Variants in DTNA observed in about 807,000 individuals in gnomAD.
DTNA encodes dystrophin-related protein 3.
DTNA carries 43 observed loss-of-function variants against 100.7 expected under a neutral mutation model. The ratio of observed to expected loss-of-function variants is 0.43; its 90% confidence interval spans 0.33 to 0.55. The LOEUF is 0.55. Among genes scored for constraint, DTNA ranks in the 20% least tolerant of loss-of-function variants. The pLI is 0.04. For synonymous variants in DTNA, 349 were observed against 347.9 expected, an observed-to-expected ratio of 1.00 and a Z score of -0.04; for missense variants, 798 against 953.9, an observed-to-expected ratio of 0.84 and a Z score of 2.15.
chr18:34,882,650 G>A (rs1203718248), intron 21 of DTNA, among the ~76,000 whole-genome samples: 2 of 152,068 alleles, frequency 1.3e-5, no homozygotes, highest in Non-Finnish European at 2.9e-5. Flanking sequence ...TTACAGGCGT[G>A]AGCCACTGCA....
At chr18:34,754,856 T>G (rs1048504317) in intron 1 of DTNA, among the ~76,000 whole-genome samples, 1 of 152,090 alleles carries the variant, frequency 6.6e-6, no homozygotes, top group Non-Finnish European at 1.5e-5. Context: ...CAGGCAGTTG[T>G]AGAAAGTTGG....
intron 4 of DTNA, among the ~76,000 whole-genome samples, chr18:34,799,294 A>G (rs937238593): frequency 1.3e-5 from 2 of 152,180 alleles, no homozygotes; most frequent in Admixed American, 6.6e-5. Context: ...GAGCCTTCCA[A>G]TGCTACAAAA....
chr18:34,525,509 T>G (rs2042533241), intron 1 of DTNA, among the ~76,000 whole-genome samples: 3 of 152,134 alleles, frequency 2.0e-5, no homozygotes, highest in Admixed American at 2.0e-4. Context: ...GATCTCTCCC[T>G]GCTGGAGGAA....
chr18:34,765,057 C>T (rs561139502), intron 2 of DTNA, among the ~76,000 whole-genome samples: 4 of 152,186 alleles, frequency 2.6e-5, no homozygotes, highest in South Asian at 2.1e-4. Flanking sequence ...ACCAAGGCTA[C>T]GAGAGATTCT....
intron 1 of DTNA, among the ~76,000 whole-genome samples, chr18:34,676,222 G>A (rs1370199301): frequency 1.3e-5 from 2 of 152,040 alleles, no homozygotes; most frequent in Non-Finnish European, 2.9e-5. Context: ...CTTTTTAGGT[G>A]GCCCATTCTG....
intron 13 of DTNA, among the ~76,000 whole-genome samples, chr18:34,843,435 C>T (rs2096310493): frequency 6.6e-6 from 1 of 152,102 alleles, no homozygotes; most frequent in African/African-American, 2.4e-5. Flanking sequence ...ATGCCATAGA[C>T]TTGATGGCTT....
At chr18:34,636,202 G>A (rs773266314) in intron 1 of DTNA, among the ~76,000 whole-genome samples, 6 of 152,176 alleles carry the variant, frequency 3.9e-5, no homozygotes, top group Non-Finnish European at 8.8e-5. Context: ...CTGGAGTGCA[G>A]CGGCATGATC....
chr18:34,493,995 C>G (rs1366536802), intron 1 of DTNA: 4 of 149,338 alleles, frequency 2.7e-5, no homozygotes, highest in African/African-American at 9.7e-5. Context: ...TGCAGGATGT[C>G]CGGCCCGGGG....
chr18:34,507,263 C>T (rs2144781676), intron 1 of DTNA, among the ~76,000 whole-genome samples: 1 of 152,290 alleles, frequency 6.6e-6, no homozygotes, highest in South Asian at 2.1e-4. Flanking sequence ...TCTTGCTCTA[C>T]TCTCACTAAA....
chr18:34,699,076 A>G (rs952508383), intron 1 of DTNA, among the ~76,000 whole-genome samples: 6 of 151,860 alleles, frequency 4.0e-5, no homozygotes, highest in African/African-American at 1.4e-4. Flanking sequence ...AATAATATGC[A>G]TTTGAGATAT....
chr18:34,811,941 T>C lies in DTNA; in HGVS notation c.449-18T>C. ...ATGTTCATGTGATGAATAATATCTT[T>C]CCTTTTCCTTTCATCAGATATTTTC... On this transcript the variant is annotated intron_variant, in intron 5 of 22. Coordinates refer to ENST00000444659, the MANE Select transcript of DTNA (RefSeq NM_001386795.1). The C allele has an allele frequency of 6.2e-7, 1 of 1,613,804 alleles. No homozygotes were observed. The highest frequency in any genetic ancestry group is 8.5e-7 in the Non-Finnish European group (1 of 1,179,744).
At chr18:34,769,486 G>T (rs1424213226) in intron 3 of DTNA, among the ~76,000 whole-genome samples, 1 of 152,128 alleles carries the variant, frequency 6.6e-6, no homozygotes, top group Non-Finnish European at 1.5e-5. Flanking sequence ...GAAACAAAAT[G>T]TAGGTAGCAT....
At chr18:34,513,278 A>G (rs543985652) in intron 1 of DTNA, among the ~76,000 whole-genome samples, 2 of 152,268 alleles carry the variant, frequency 1.3e-5, no homozygotes, top group Admixed American at 6.5e-5. Context: ...TTAATTAACA[A>G]CACCTATATG....
At chr18:34,537,406 T>C (rs2043820988) in intron 1 of DTNA, among the ~76,000 whole-genome samples, 1 of 151,980 alleles carries the variant, frequency 6.6e-6, no homozygotes, top group South Asian at 2.1e-4. Context: ...GAAGCATGAC[T>C]CAATAGCATT....
At chr18:34,742,351 C>G (rs184011827) in intron 1 of DTNA, among the ~76,000 whole-genome samples, 1 of 152,038 alleles carries the variant, frequency 6.6e-6, no homozygotes, top group Non-Finnish European at 1.5e-5. Context: ...GGCAGGGCTG[C>G]GTTCCTTCTG....
rs145250543 is a variant in DTNA, at chr18:34,693,792, C to G, written c.-1-62184C>G. Among the ~76,000 whole-genome samples, 602 of 148,594 alleles carry G rather than the reference C, an allele frequency of 4.1e-3. 2 individuals are homozygous for G. The highest frequency in any genetic ancestry group is 0.017 in the Middle Eastern group (5 of 294). The stretch of plus-strand genomic sequence containing the variant: ...TGTGTGTGTGTGTGTGTGTAAAACC[C>G]TAGCCTAAAGGCACTAAACTGCCCT... On this transcript the variant is annotated intron_variant, in intron 1 of 19. Coordinates refer to the DTNA transcript ENST00000283365.
At chr18:34,852,123 C>T (rs145951549) in intron 15 of DTNA, among the ~76,000 whole-genome samples, 195 bp downstream of exon 15, 4 of 152,248 alleles carry the variant, frequency 2.6e-5, no homozygotes, top group African/African-American at 4.8e-5. Flanking sequence ...GAGAAAACGG[C>T]GTGTGCATGT....
At chr18:34,770,158 C>T (rs1220553666) in intron 3 of DTNA, among the ~76,000 whole-genome samples, 1 of 152,162 alleles carries the variant, frequency 6.6e-6, no homozygotes, top group Non-Finnish European at 1.5e-5. Context: ...TGGTGGGGCA[C>T]AAACATTCAA....
intron 1 of DTNA, among the ~76,000 whole-genome samples, chr18:34,543,816 AT>A (rs1352567154): frequency 6.6e-6 from 1 of 152,150 alleles, no homozygotes; most frequent in East Asian, 1.9e-4. Context: ...TTAATATTCG[AT>A]TCACTGAAAG....
Sources: allele counts gnomAD v4.1 joint callset (sites outside exome capture counted in the v4.1 genomes callset), GRCh38; gene constraint gnomAD v4.1.1; transcripts MANE v1.5; gene names NCBI Gene and HGNC (gene_info 2026-07-23, HGNC 2026-07-21).